BARD1: variants seen among roughly 807,000 people sequenced by gnomAD.
BARD1 encodes the protein BRCA1 associated RING domain 1.
Under a neutral mutation model 77.0 loss-of-function variants are expected in BARD1, and 73 were observed. The ratio of observed to expected loss-of-function variants is 0.95; its 90% CI spans 0.79 to 1.15. The LOEUF (loss-of-function observed/expected upper bound fraction) is 1.15. Ranked by LOEUF, BARD1 falls within the 50% of genes most tolerant of loss-of-function variation. The pLI is 0.00. For synonymous variants in BARD1, 384 were observed against 338.0 expected, an observed-to-expected ratio of 1.14 and a Z score of -1.49; for missense variants, 993 against 938.8, an observed-to-expected ratio of 1.06 and a Z score of -0.75.
At chr2:214,751,117 G>GTGTATATATATA (rs1486423673) in intron 7 of BARD1, among the ~76,000 whole-genome samples, 8 of 16,276 alleles carry the variant, frequency 4.9e-4, no homozygotes, top group Non-Finnish European at 8.3e-4. Flanking sequence ...GTGTGTGTGT[G>GTGTATATATATA]TATATATATA....
chr2:214,762,986 A>G (rs1303356354), intron 6 of BARD1, among the ~76,000 whole-genome samples: 2 of 146,976 alleles, frequency 1.4e-5, no homozygotes, highest in Non-Finnish European at 2.9e-5. Context: ...CCCAGTGTGA[A>G]GGAGGAGGTT....
chr2:214,775,072 G>A (rs900751293), intron 4 of BARD1, among the ~76,000 whole-genome samples: 10 of 152,066 alleles, frequency 6.6e-5, no homozygotes, highest in East Asian at 1.9e-4. Flanking sequence ...TCCTCATATC[G>A]GCAGTAAGGC....
intron 6 of BARD1, among the ~76,000 whole-genome samples, chr2:214,766,355 A>G (rs550966087): frequency 1.3e-5 from 2 of 152,366 alleles, no homozygotes; most frequent in South Asian, 2.1e-4. Context: ...CTGTTGTAAT[A>G]GTAAATACAC....
intron 3 of BARD1, among the ~76,000 whole-genome samples, 159 bp downstream of exon 3, chr2:214,792,138 T>C (rs1176696100): frequency 6.9e-6 from 1 of 144,228 alleles, no homozygotes; most frequent in Non-Finnish European, 1.5e-5. Context: ...ATAGAGAGAC[T>C]CAATGGCTAT....
chr2:214,761,342 G>C (rs1343910910), intron 6 of BARD1, among the ~76,000 whole-genome samples: 1 of 150,762 alleles, frequency 6.6e-6, no homozygotes, highest in Non-Finnish European at 1.5e-5. Flanking sequence ...GTATAATTTT[G>C]GTATCAAAAT....
chr2:214,732,063 G>A (rs1047595148), intron 9 of BARD1, among the ~76,000 whole-genome samples: 4 of 152,116 alleles, frequency 2.6e-5, no homozygotes, highest in Non-Finnish European at 5.9e-5. Flanking sequence ...AAAAATCTAT[G>A]GCTGCATAAA....
intron 4 of BARD1, among the ~76,000 whole-genome samples, chr2:214,779,336 A>T (rs1694873915): frequency 6.6e-6 from 1 of 152,250 alleles, no homozygotes; most frequent in Non-Finnish European, 1.5e-5. Flanking sequence ...TAAATTACTT[A>T]TAACACCTAA....
chr2:214,767,558 G>C lies in BARD1; in HGVS notation c.1492C>G (p.Leu498Val), dbSNP rs1553619265. ...NTTGYQNDSP[L>V]HDAAKNGHVD... is the part of the protein sequence containing the mutation. Reference sequence around the variant, plus strand: ...TGCCCATTCTTGGCTGCATCGTGAAGTGGTGAGTCATTTTGATACCCGGTG... The same window carrying C: ...TGCCCATTCTTGGCTGCATCGTGAACTGGTGAGTCATTTTGATACCCGGTG... Residue 498 changes from leucine to valine, a missense_variant, in exon 6 of 11, where the codon CTT becomes GTT. Coordinates refer to ENST00000260947, the MANE Select transcript of BARD1 (RefSeq NM_000465.4). 6 of 1,614,040 alleles carry C rather than the reference G, an allele frequency of 3.7e-6. No individual in the cohort carries two copies. The highest frequency in any genetic ancestry group is 5.1e-6 in the Non-Finnish European group (6 of 1,179,940).
chr2:214,792,168 ACCTACAGATTTT>A, intron 3 of BARD1, 117 bp downstream of exon 3: 5 of 943,044 alleles, frequency 5.3e-6, no homozygotes, highest in Middle Eastern at 3.2e-4. Flanking sequence ...AAAAAAAAAA[ACCTACAGATTTT>A]AAAATCTGAA....
chr2:214,807,744 T>A (rs1296240346), intron 1 of BARD1, among the ~76,000 whole-genome samples: 3 of 97,264 alleles, frequency 3.1e-5, no homozygotes, highest in African/African-American at 1.1e-4. Flanking sequence ...AAATGAGAGA[T>A]GAATAACTTG....
chr2:214,783,531 G>A (rs551716995), intron 3 of BARD1, among the ~76,000 whole-genome samples: 137 of 152,188 alleles, frequency 9.0e-4, no homozygotes, highest in African/African-American at 3.1e-3. Flanking sequence ...ATGGACACAG[G>A]GAGGAGAACA....
intron 10 of BARD1, chr2:214,730,201 T>G: frequency 1.7e-6 from 1 of 573,016 alleles, no homozygotes; most frequent in Non-Finnish European, 3.1e-6. Context: ...ATGTTCAAGA[T>G]GCCAAAAATC....
rs145654286 is a variant in BARD1 at position 214,754,474 on chromosome 2, A to G, written c.1569-1919T>C. Among the ~76,000 whole-genome samples, 780 of 152,256 alleles carry G rather than the reference A, an allele frequency of 5.1e-3. 6 individuals are homozygous for G. The highest frequency in any genetic ancestry group is 0.024 in the Middle Eastern group (7 of 294). On this transcript the variant is annotated intron_variant, in intron 6 of 10. Transcript: ENST00000260947. Reference sequence around the variant, plus strand: ...AGTGCACTTTAATGCACAGCAACTGAATCACATTAGCATAGTTATTTTACA... The same window carrying G: ...AGTGCACTTTAATGCACAGCAACTGGATCACATTAGCATAGTTATTTTACA...
At chr2:214,762,140 C>T (rs945380097) in intron 6 of BARD1, among the ~76,000 whole-genome samples, 3 of 152,134 alleles carry the variant, frequency 2.0e-5, no homozygotes, top group African/African-American at 7.2e-5. Flanking sequence ...ATGACACAAG[C>T]GGAAAATTCC....
intron 1 of BARD1, among the ~76,000 whole-genome samples, chr2:214,804,326 C>T (rs1031188588): frequency 2.1e-4 from 32 of 152,196 alleles, no homozygotes; most frequent in African/African-American, 7.5e-4. Flanking sequence ...GTGATCCTAC[C>T]TTAACCTAAG....
At chr2:214,770,564 A>T (rs73989339) in intron 4 of BARD1, among the ~76,000 whole-genome samples, 4,487 of 152,328 alleles carry the variant, frequency 0.029, 222 homozygotes, top group African/African-American at 0.1. Flanking sequence ...AAGGCAGACA[A>T]TATTAATTCG....
chr2:214,751,182 C>T (rs1693434024), intron 7 of BARD1, among the ~76,000 whole-genome samples: 1 of 44,332 alleles, frequency 2.3e-5, no homozygotes, highest in Admixed American at 2.6e-4. Context: ...TTTTTTGAGA[C>T]AGTCTTGTTC....
At chr2:214,757,319 C>G (rs1693740056) in intron 6 of BARD1, among the ~76,000 whole-genome samples, 1 of 151,606 alleles carries the variant, frequency 6.6e-6, no homozygotes, top group Non-Finnish European at 1.5e-5. Context: ...TACTCTTGCG[C>G]TATTCCTTTA....
At chr2:214,768,185 C>T (rs771971444) in intron 5 of BARD1, among the ~76,000 whole-genome samples, 5 of 152,260 alleles carry the variant, frequency 3.3e-5, no homozygotes, top group South Asian at 2.1e-4. Context: ...ATGACAGAAA[C>T]GGCAACAATG....
Sources: allele counts gnomAD v4.1 joint callset (sites outside exome capture counted in the v4.1 genomes callset), GRCh38; gene constraint gnomAD v4.1.1; transcripts MANE v1.5; gene names NCBI Gene and HGNC (gene_info 2026-07-23, HGNC 2026-07-21).